The following APMAP variants were observed in gnomAD, a reference collection of about 807,000 sequenced individuals.
APMAP encodes the protein adipocyte plasma membrane-associated protein.
APMAP carries 33 observed loss-of-function variants against 43.6 expected under a neutral mutation model. That is an observed-to-expected ratio of 0.76 (90% CI 0.57 to 1.01). APMAP has a LOEUF of 1.01. Ranked by LOEUF, APMAP falls within the 50% of genes least tolerant of loss-of-function variation. The pLI, the probability that APMAP is intolerant of heterozygous loss-of-function variation, is 0.00. For synonymous variants in APMAP, 224 were observed against 216.7 expected (o/e 1.03, Z -0.30); for missense variants, 498 against 540.7 (o/e 0.92, Z 0.78).
intron 2 of APMAP, among the ~76,000 whole-genome samples, chr20:24,981,646 C>A (rs2088105451): frequency 6.6e-6 from 1 of 152,178 alleles, no homozygotes; most frequent in Non-Finnish European, 1.5e-5. Context: ...GACAGTTTCA[C>A]CCGATAGTAA....
At chr20:24,989,088 G>C (rs985965703) in intron 1 of APMAP, among the ~76,000 whole-genome samples, 2 of 151,772 alleles carry the variant, frequency 1.3e-5, no homozygotes, top group Non-Finnish European at 2.9e-5. Flanking sequence ...GTCTTTTCTC[G>C]GTGTCTGCCT....
At chr20:24,964,944 A>G (rs1468311269) in intron 8 of APMAP, among the ~76,000 whole-genome samples, 3 of 152,110 alleles carry the variant, frequency 2.0e-5, no homozygotes, top group Admixed American at 2.0e-4. Flanking sequence ...CCCACTACCT[A>G]GGAAATGCCA....
intron 7 of APMAP, among the ~76,000 whole-genome samples, chr20:24,969,285 G>T (rs1300857198): frequency 1.3e-5 from 2 of 152,196 alleles, no homozygotes; most frequent in African/African-American, 4.8e-5. Context: ...GGTCAGGGGA[G>T]GACCAAGGCC....
rs768218884 is a variant in APMAP, at chr20:24,969,007, C to T, written c.926G>A (p.Arg309Gln). Residue 309 changes from arginine (R) to glutamine (Q), a missense_variant, in exon 8 of 9, where the codon CGG (arginine) becomes CAG (glutamine). Physicochemically the swap from Arg to Gln is conservative, Grantham distance 43. Coordinates refer to ENST00000217456, the MANE Select transcript of APMAP (RefSeq NM_020531.3). The stretch of plus-strand genomic sequence containing the variant: ...CCAGTACCCCCCAGAGCTGCTGGGC[C>T]GGATGTTGTCTGGAAATCCAGGCAT... ...ENMPGFPDNI[R>Q]PSSSGGYWVG... is the part of the protein sequence containing the mutation. 3.7e-6 allele frequency: 6 copies of T among 1,613,806 alleles called. No individual in the cohort carries two copies. The highest frequency in any genetic ancestry group is 5.1e-6 in the Non-Finnish European group (6 of 1,179,962).
intron 1 of APMAP, among the ~76,000 whole-genome samples, chr20:24,985,489 T>C (rs2088139827): frequency 6.6e-6 from 1 of 152,138 alleles, no homozygotes; most frequent in Non-Finnish European, 1.5e-5. Flanking sequence ...ACCCTGATCT[T>C]AACACAGTGA....
chr20:24,988,560 G>C (rs968525609), intron 1 of APMAP, among the ~76,000 whole-genome samples: 3 of 152,208 alleles, frequency 2.0e-5, no homozygotes, highest in Non-Finnish European at 4.4e-5. Context: ...GAAGAATTTA[G>C]AGGCCACTCA....
chr20:24,987,070 T>C (rs1162331994), intron 1 of APMAP, among the ~76,000 whole-genome samples: 1 of 152,262 alleles, frequency 6.6e-6, no homozygotes, highest in Non-Finnish European at 1.5e-5. Context: ...TGGTTCCTTT[T>C]ACCAGTTGAT....
At chr20:24,986,442 C>T (rs757810506) in intron 1 of APMAP, among the ~76,000 whole-genome samples, 13 of 152,196 alleles carry the variant, frequency 8.5e-5, no homozygotes, top group Non-Finnish European at 1.8e-4. Flanking sequence ...AAAGTCAGGT[C>T]AACCTCTCCC....
At position 24,973,755 on chromosome 20, in the gene APMAP, A is replaced by C; in HGVS notation, c.329-18T>G. The C allele has an allele frequency of 6.2e-7, 1 of 1,608,868 alleles. No homozygotes were observed. Among genetic ancestry groups the C allele is most frequent in the Non-Finnish European group, 8.5e-7 (1 of 1,175,472 alleles). ...CATCACATCTGTTTAAAAACACAAA[A>C]AGGAGGAAGAGCAATGTTAGCCTAA... On this transcript the variant is annotated intron_variant, in intron 3 of 8. Coordinates refer to ENST00000217456, the MANE Select transcript of APMAP (RefSeq NM_020531.3).
At chr20:24,977,523 G>A (rs1448424555) in intron 3 of APMAP, among the ~76,000 whole-genome samples, 1 of 152,196 alleles carries the variant, frequency 6.6e-6, no homozygotes, top group East Asian at 1.9e-4. Context: ...GCTTCCAAAT[G>A]AGGTGGCAGA....
intron 3 of APMAP, among the ~76,000 whole-genome samples, chr20:24,975,691 G>C (rs2088044813): frequency 6.6e-6 from 1 of 152,164 alleles, no homozygotes; most frequent in Admixed American, 6.5e-5. Flanking sequence ...TTCATATGGA[G>C]AGGGCGAAGA....
Position 24,992,714 on chromosome 20 carries a change from G to C in APMAP, c.-26C>G, listed in dbSNP as rs764577329. ...GGTACGGGCGCCAGCCTCACCCGCA[G>C]AAACCACCTCACACTGAGCGGCGCC... On this transcript the variant is annotated 5_prime_UTR_variant, in exon 1 of 9. Coordinates refer to ENST00000217456, the MANE Select transcript of APMAP (RefSeq NM_020531.3). 1 of 1,492,562 alleles carries C rather than the reference G, an allele frequency of 6.7e-7. No homozygotes were observed. The highest frequency in any genetic ancestry group is 1.4e-5 in the African/African-American group (1 of 70,908). The allele number at this position is 1,492,562 out of a possible 1,614,324, so 92.5% of individuals were successfully genotyped here.
intron 3 of APMAP, among the ~76,000 whole-genome samples, chr20:24,974,685 C>T (rs1276440232): frequency 6.6e-6 from 1 of 151,964 alleles, no homozygotes; most frequent in Non-Finnish European, 1.5e-5. Context: ...CAAAAGCAAC[C>T]CAGAATAGCT....
chr20:24,968,254 T>C (rs1412539151), intron 8 of APMAP, among the ~76,000 whole-genome samples: 1 of 151,920 alleles, frequency 6.6e-6, no homozygotes, highest in Non-Finnish European at 1.5e-5. Flanking sequence ...TTGAAGGGGC[T>C]GTTGTGTTGA....
intron 8 of APMAP, among the ~76,000 whole-genome samples, chr20:24,965,480 GGT>G (rs2087934680): frequency 6.6e-6 from 1 of 152,270 alleles, no homozygotes. Flanking sequence ...GGCAGACCAT[GGT>G]GACCCAGACA....
intron 3 of APMAP, among the ~76,000 whole-genome samples, chr20:24,975,733 A>T (rs972092346): frequency 2.6e-5 from 4 of 152,252 alleles, no homozygotes; most frequent in African/African-American, 4.8e-5. Context: ...TTGAAGGAAA[A>T]GAATAAAGTC....
At chr20:24,988,556 T>A (rs1600291808) in intron 1 of APMAP, among the ~76,000 whole-genome samples, 1 of 152,318 alleles carries the variant, frequency 6.6e-6, no homozygotes, top group East Asian at 1.9e-4. Flanking sequence ...TGGAGAAGAA[T>A]TTAGAGGCCA....
chr20:24,964,297 T>C (rs761368), intron 8 of APMAP: 464,309 of 625,728 alleles, frequency 0.74, 174,034 homozygotes, highest in East Asian at 1. Context: ...CTGGATGGCC[T>C]GGCTGAACTG....
At chr20:24,977,824 G>A (rs2088063418) in intron 3 of APMAP, among the ~76,000 whole-genome samples, 1 of 152,182 alleles carries the variant, frequency 6.6e-6, no homozygotes, top group African/African-American at 2.4e-5. Context: ...AAATGCCAAT[G>A]TCTTTTTAAG....
Sources: gnomAD v4.1 joint callset for allele counts (sites outside exome capture counted in the v4.1 genomes callset) on GRCh38, gnomAD v4.1.1 for gene constraint, MANE v1.5 for transcripts, NCBI Gene and HGNC (gene_info 2026-07-23, HGNC 2026-07-21) for gene names.